SVIL: variants seen among roughly 807,000 people sequenced by gnomAD.
SVIL encodes archvillin.
In SVIL, 101 loss-of-function variants were observed where a neutral mutation model predicts 240.4. That is an observed-to-expected ratio of 0.42 (90% confidence interval 0.36 to 0.50). The LOEUF (loss-of-function observed/expected upper bound fraction) is 0.50. Among genes scored for constraint, SVIL ranks in the 20% least tolerant of loss-of-function variants. SVIL has a pLI of 0.01. For synonymous variants in SVIL, 999 were observed against 1,100.0 expected, an observed-to-expected ratio of 0.91 and a Z score of 1.82; for missense variants, 2,512 against 2,818.7, an observed-to-expected ratio of 0.89 and a Z score of 2.46.
At chr10:29,655,009 A>G (rs1958953714) in intron 3 of SVIL, among the ~76,000 whole-genome samples, 1 of 152,106 alleles carries the variant, frequency 6.6e-6, no homozygotes, top group African/African-American at 2.4e-5. Flanking sequence ...TCATACACCA[A>G]TCTCGTCCAG....
intron 1 of SVIL, among the ~76,000 whole-genome samples, chr10:29,633,637 C>T (rs1418348853): frequency 1.3e-5 from 2 of 151,266 alleles, no homozygotes; most frequent in East Asian, 2.0e-4. Flanking sequence ...CGTACTTGTC[C>T]ATCTGATGTG....
At chr10:29,511,564 G>A (rs567109637) in intron 17 of SVIL, among the ~76,000 whole-genome samples, 2 of 151,850 alleles carry the variant, frequency 1.3e-5, no homozygotes, top group East Asian at 3.9e-4. Context: ...TAATTTGACA[G>A]ATGGATTTTC....
intron 2 of SVIL, among the ~76,000 whole-genome samples, chr10:29,685,437 C>A (rs925599876): frequency 6.6e-6 from 1 of 152,184 alleles, no homozygotes; most frequent in Non-Finnish European, 1.5e-5. Flanking sequence ...GGGTCTATAG[C>A]CAGTAATGGG....
chr10:29,636,060 T>C (rs974356566), upstream of SVIL, among the ~76,000 whole-genome samples: 80 of 152,086 alleles, frequency 5.3e-4, no homozygotes, highest in African/African-American at 1.9e-3. Context: ...AAACATTGGC[T>C]TCATGACTGT....
intron 32 of SVIL, chr10:29,469,138 T>C (rs1945271713): frequency 6.6e-6 from 1 of 152,232 alleles, no homozygotes; most frequent in Non-Finnish European, 1.5e-5. Context: ...GAATGAGCTC[T>C]TCATTGTTTT....
chr10:29,686,921 T>G (rs1234940079), intron 1 of SVIL, among the ~76,000 whole-genome samples: 1 of 152,200 alleles, frequency 6.6e-6, no homozygotes, highest in Admixed American at 6.5e-5. Context: ...AACCAGGCTT[T>G]GCCATTACTT....
chr10:29,460,801 G>T (rs4749432), intron 36 of SVIL, among the ~76,000 whole-genome samples: 42,598 of 152,064 alleles, frequency 0.28, 6,417 homozygotes, highest in East Asian at 0.54. Flanking sequence ...AGCTACCTGG[G>T]AGGCTGATGT....
At position 29,616,773 on chromosome 10, in the gene SVIL, A is replaced by G. The variant is rs555436249; in HGVS notation, c.-201+17647T>C. Among the ~76,000 whole-genome samples, 3 of 152,280 alleles carry G rather than the reference A, an allele frequency of 2.0e-5. No homozygotes were observed. In the South Asian group the frequency reaches 6.2e-4, roughly 32 times the overall value. On this transcript the variant is annotated intron_variant, in intron 1 of 37. Transcript: ENST00000355867. ...TCTGGCTCTGTCACACCCATGCTGGAGTGCAGTGGCGTGATCTCTGCTCAC... is the reference window on the plus strand; with the variant it reads ...TCTGGCTCTGTCACACCCATGCTGGGGTGCAGTGGCGTGATCTCTGCTCAC...
chr10:29,562,769 G>GAAAAAAAAA (rs34507610), intron 3 of SVIL, among the ~76,000 whole-genome samples: 24 of 115,714 alleles, frequency 2.1e-4, no homozygotes, highest in East Asian at 2.6e-4. Context: ...TCAAAAAAAA[G>GAAAAAAAAA]AAAAAAAAAA....
intron 17 of SVIL, among the ~76,000 whole-genome samples, chr10:29,505,492 G>A (rs551105859): frequency 9.4e-4 from 143 of 152,228 alleles, no homozygotes; most frequent in Middle Eastern, 3.4e-3. Flanking sequence ...CCATGTGACA[G>A]TAAAAAATGA....
At chr10:29,628,928 A>G (rs1183519291) in intron 1 of SVIL, among the ~76,000 whole-genome samples, 2 of 152,192 alleles carry the variant, frequency 1.3e-5, no homozygotes, top group Non-Finnish European at 2.9e-5. Flanking sequence ...TATGGAGGTC[A>G]GAGCCCCATC....
chr10:29,459,345 C>G (rs1943953450), intron 36 of SVIL, among the ~76,000 whole-genome samples: 1 of 152,096 alleles, frequency 6.6e-6, no homozygotes, highest in East Asian at 1.9e-4. Context: ...CTTTTCTCAC[C>G]TTGTCACAGA....
intron 1 of SVIL, among the ~76,000 whole-genome samples, chr10:29,576,737 G>A (rs945916671): frequency 3.3e-5 from 5 of 152,114 alleles, no homozygotes; most frequent in African/African-American, 1.2e-4. Flanking sequence ...GTAGAGATTG[G>A]GTCTTACTAT....
intron 17 of SVIL, among the ~76,000 whole-genome samples, chr10:29,502,190 A>C (rs1948945604): frequency 6.6e-6 from 1 of 152,204 alleles, no homozygotes; most frequent in Non-Finnish European, 1.5e-5. Context: ...AGAAATTTTG[A>C]CTTAACTTTG....
At chr10:29,587,502 T>A (rs1956218365) in intron 1 of SVIL, among the ~76,000 whole-genome samples, 1 of 152,142 alleles carries the variant, frequency 6.6e-6, no homozygotes, top group African/African-American at 2.4e-5. Context: ...CAAAAACTCT[T>A]CCAAGGCCGC....
chr10:29,680,953 G>C (rs1960594556), intron 2 of SVIL, among the ~76,000 whole-genome samples: 1 of 151,926 alleles, frequency 6.6e-6, no homozygotes, highest in South Asian at 2.1e-4. Context: ...GGGAGGGAAG[G>C]AGAAGGCAAC....
At chr10:29,670,396 G>A (rs1157556989) in intron 2 of SVIL, among the ~76,000 whole-genome samples, 1 of 152,160 alleles carries the variant, frequency 6.6e-6, no homozygotes, top group Non-Finnish European at 1.5e-5. Flanking sequence ...ACAATGCTTT[G>A]AAGAGCCCCT....
chr10:29,709,864 C>T (rs926012558), intron 1 of SVIL, among the ~76,000 whole-genome samples: 1 of 152,074 alleles, frequency 6.6e-6, no homozygotes, highest in Non-Finnish European at 1.5e-5. Context: ...TTTTTAAACA[C>T]CAGAGCAGGC....
intron 27 of SVIL, among the ~76,000 whole-genome samples, chr10:29,482,348 A>G (rs926836110): frequency 2.0e-5 from 3 of 152,034 alleles, no homozygotes; most frequent in Non-Finnish European, 2.9e-5. Context: ...TGTCTTTGGG[A>G]TACCCTGGGG....
Sources: allele counts gnomAD v4.1 joint callset (sites outside exome capture counted in the v4.1 genomes callset), GRCh38; gene constraint gnomAD v4.1.1; transcripts MANE v1.5; gene names NCBI Gene and HGNC (gene_info 2026-07-23, HGNC 2026-07-21).